Variants in RHOBTB1 observed in about 807,000 individuals in gnomAD.
The protein encoded by RHOBTB1 is rho-related BTB domain-containing protein 1.
In RHOBTB1, 40 loss-of-function variants were observed where a neutral mutation model predicts 71.6. The observed-to-expected ratio is 0.56, with a 90% CI of 0.43 to 0.73. The LOEUF (loss-of-function observed/expected upper bound fraction) is 0.73, where lower values mean the gene tolerates loss of function less well. Ranked by LOEUF, RHOBTB1 falls within the 30% of genes least tolerant of loss-of-function variation. The probability of loss-of-function intolerance (pLI) is 0.00; values close to 1 mark genes in which losing one functional copy is unlikely to be tolerated. For synonymous variants in RHOBTB1, 319 were observed against 334.9 expected, an observed-to-expected ratio of 0.95 and a Z score of 0.52; for missense variants, 797 against 894.0, an observed-to-expected ratio of 0.89 and a Z score of 1.38.
chr10:60,939,463 C>T (rs764181708), intron 2 of RHOBTB1, among the ~76,000 whole-genome samples: 2 of 152,168 alleles, frequency 1.3e-5, no homozygotes, highest in Non-Finnish European at 2.9e-5. Context: ...TGCCTCTTGA[C>T]CCTTCCCTTA....
downstream of RHOBTB1, among the ~76,000 whole-genome samples, chr10:60,864,448 C>T (rs1049922236): frequency 6.6e-6 from 1 of 152,068 alleles, no homozygotes; most frequent in African/African-American, 2.4e-5. Context: ...AAAACGGAAA[C>T]ATTTGAATAA....
intron 1 of RHOBTB1, among the ~76,000 whole-genome samples, chr10:60,986,287 A>G (rs892484319): frequency 6.6e-6 from 1 of 151,846 alleles, no homozygotes; most frequent in African/African-American, 2.4e-5. Flanking sequence ...CAGTCAAATG[A>G]GATAATGTTT....
intron 5 of RHOBTB1, among the ~76,000 whole-genome samples, chr10:60,890,962 C>T (rs2081887971): frequency 1.3e-5 from 2 of 152,180 alleles, no homozygotes; most frequent in Non-Finnish European, 2.9e-5. Context: ...CTGTCCCCTC[C>T]ACTGTTCTCT....
intron 7 of RHOBTB1, among the ~76,000 whole-genome samples, chr10:60,878,517 G>T (rs1254427896): frequency 6.6e-6 from 1 of 152,186 alleles, no homozygotes; most frequent in African/African-American, 2.4e-5. Flanking sequence ...CTGCCACAGT[G>T]ACCAGCTTGA....
intron 1 of RHOBTB1, among the ~76,000 whole-genome samples, chr10:60,991,236 C>T (rs1323951962): frequency 6.6e-6 from 1 of 152,078 alleles, no homozygotes; most frequent in Non-Finnish European, 1.5e-5. Flanking sequence ...ATGTAACTAA[C>T]TACAGCACTC....
chr10:60,893,134 A>G, intron 4 of RHOBTB1, 139 bp from the exon 5 acceptor site: 1 of 673,776 alleles, frequency 1.5e-6, no homozygotes, highest in Admixed American at 3.1e-5. Flanking sequence ...ATATTAAAAA[A>G]CATCTTGGAG....
chr10:60,896,235 T>C (rs1016323417), intron 4 of RHOBTB1, among the ~76,000 whole-genome samples: 1 of 152,236 alleles, frequency 6.6e-6, no homozygotes, highest in Non-Finnish European at 1.5e-5. Context: ...ACCATTCCTC[T>C]GAAAGATAAA....
chr10:60,884,656 A>G (rs796142598), intron 7 of RHOBTB1, among the ~76,000 whole-genome samples: 8 of 152,330 alleles, frequency 5.3e-5, no homozygotes, highest in African/African-American at 1.9e-4. Context: ...TATAGCCCTA[A>G]AAAAGAGGAA....
At chr10:60,877,857 G>A in intron 8 of RHOBTB1, 51 bp downstream of exon 8, 6 of 1,542,932 alleles carry the variant, frequency 3.9e-6, no homozygotes, top group Non-Finnish European at 5.2e-6. Context: ...ATTTAAATGT[G>A]ATTTTGACAA....
chr10:60,886,723 G>A (rs982671255), intron 6 of RHOBTB1, among the ~76,000 whole-genome samples: 6 of 142,306 alleles, frequency 4.2e-5, no homozygotes, highest in Non-Finnish European at 4.6e-5. Flanking sequence ...GATGTGGGGG[G>A]GGGTGGGTCT....
chr10:60,881,552 A>G (rs1440842274), intron 7 of RHOBTB1, among the ~76,000 whole-genome samples: 3 of 152,158 alleles, frequency 2.0e-5, no homozygotes, highest in Non-Finnish European at 2.9e-5. Flanking sequence ...GCCCAGGGAT[A>G]TATCACTAAA....
At chr10:60,969,134 T>G (rs889277967) in intron 2 of RHOBTB1, among the ~76,000 whole-genome samples, 1 of 151,988 alleles carries the variant, frequency 6.6e-6, no homozygotes, top group Non-Finnish European at 1.5e-5. Flanking sequence ...AAAATTGAAG[T>G]TGAGATGGAA....
At chr10:60,863,286 T>C in the RHOBTB1 span, among the ~76,000 whole-genome samples, 1 of 152,244 alleles carries the variant, frequency 6.6e-6, no homozygotes, top group Non-Finnish European at 1.5e-5. Context: ...CAAATAATTA[T>C]GTTTTAGGTT....
At chr10:60,921,308 T>C (rs755111291) in intron 2 of RHOBTB1, among the ~76,000 whole-genome samples, 3 of 152,104 alleles carry the variant, frequency 2.0e-5, no homozygotes, top group Non-Finnish European at 4.4e-5. Context: ...ACAGAGAACA[T>C]GTCATGAGGG....
At chr10:60,911,016 T>C in intron 3 of RHOBTB1, 26 bp from the exon 4 acceptor site, 1 of 1,585,694 alleles carries the variant, frequency 6.3e-7, no homozygotes, top group Non-Finnish European at 8.7e-7. Context: ...AGAGCATCTG[T>C]GCTCGGTGTC....
intron 2 of RHOBTB1, among the ~76,000 whole-genome samples, chr10:60,925,659 C>A (rs1000463687): frequency 2.6e-5 from 4 of 151,716 alleles, no homozygotes; most frequent in Admixed American, 6.6e-5. Flanking sequence ...GTAAAATGGA[C>A]AAATCTTTAG....
chr10:60,886,197 C>T lies in RHOBTB1; in HGVS notation c.1490G>A (p.Ser497Asn), dbSNP rs1046919894. ...ACAGATCAGCAGCGGCTTGTGGGCA[C>T]TGATGGCTCCATCGTCCAATTTAAA... ...VTFKLDDGAISAHKPLLICSC... is the reference protein window; with the variant it reads ...VTFKLDDGAINAHKPLLICSC... The change falls in exon 7 of 11, where the codon AGT becomes AAT. Residue 497 changes from serine (S) to asparagine (N), a missense_variant. This residue lies in a region of RHOBTB1 where 658 missense variants were observed against 681.5 expected (regional missense o/e 0.97). Coordinates refer to ENST00000337910, the MANE Select transcript of RHOBTB1 (RefSeq NM_014836.5). The T allele has an allele frequency of 6.2e-7, 1 of 1,613,982 alleles. No homozygotes were observed. The highest frequency in any genetic ancestry group is 1.3e-5 in the African/African-American group (1 of 74,922).
At chr10:60,884,299 T>A (rs147017635) in intron 7 of RHOBTB1, among the ~76,000 whole-genome samples, 1 of 152,318 alleles carries the variant, frequency 6.6e-6, no homozygotes, top group Non-Finnish European at 1.5e-5. Context: ...AAGTTAGCTA[T>A]TGTTTTTTGC....
chr10:60,988,868 A>C (rs2086762182), intron 1 of RHOBTB1, among the ~76,000 whole-genome samples: 2 of 152,174 alleles, frequency 1.3e-5, no homozygotes, highest in Non-Finnish European at 2.9e-5. Flanking sequence ...AAGGATCCTT[A>C]ATTGTACCCT....
Sources: gnomAD v4.1 joint callset for allele counts (sites outside exome capture counted in the v4.1 genomes callset) on GRCh38, gnomAD v4.1.1 for gene constraint, gnomAD v4.1.1 regional missense constraint, MANE v1.5 for transcripts, NCBI Gene and HGNC (gene_info 2026-07-23, HGNC 2026-07-21) for gene names.